The following TELO2 variants were observed in gnomAD, a reference collection of about 807,000 sequenced individuals.
TELO2 encodes the protein telomere maintenance 2.
A neutral mutation model predicts 91.0 loss-of-function variants in TELO2; 71 were observed. That is an observed-to-expected ratio of 0.78 (90% confidence interval 0.64 to 0.95). The LOEUF (loss-of-function observed/expected upper bound fraction) is 0.95. Among genes scored for constraint, TELO2 ranks in the 40% least tolerant of loss-of-function variants. The probability of loss-of-function intolerance (pLI) is 0.00; values close to 1 mark genes in which losing one functional copy is unlikely to be tolerated. For missense variants in TELO2, 1,183 were observed against 1,141.3 expected (o/e 1.04, Z -0.53); for synonymous variants, 584 against 518.9 (o/e 1.13, Z -1.71).
At position 1,507,607 on chromosome 16, in the gene TELO2, G is replaced by A; in HGVS notation, c.2298G>A (p.Val766=). The A allele has an allele frequency of 6.3e-7, 1 of 1,589,320 alleles. No homozygotes were observed. The highest frequency in any genetic ancestry group is 8.5e-7 in the Non-Finnish European group (1 of 1,175,050). Reference sequence around the variant, plus strand: ...CCCGCCTTCTTGCCGGCAGCTACGTGCGCCAGGGGCTGTTGTCGGCCGTCT... The same window carrying A: ...CCCGCCTTCTTGCCGGCAGCTACGTACGCCAGGGGCTGTTGTCGGCCGTCT... ...WALRFHIDAY[V]RQGLLSAVSS... Residue 766 remains valine (V), a synonymous_variant, in exon 20 of 21, where the codon GTG becomes GTA. Coordinates refer to ENST00000262319, the MANE Select transcript of TELO2 (RefSeq NM_016111.4).
rs901645398 is a variant in TELO2 at position 1,506,716 on chromosome 16, C to G, written c.2127-236C>G. The G allele has an allele frequency of 8.6e-6, 12 of 1,388,818 alleles. No homozygotes were observed. The Admixed American group carries it at 2.1e-4, about 25-fold the overall frequency. The allele number at this position is 1,388,818 out of a possible 1,614,324, so 86.0% of individuals were successfully genotyped here. A position where few individuals can be genotyped will look rare whatever the true frequency, so the allele number is the denominator to read the frequency against. On this transcript the variant is annotated intron_variant, in intron 17 of 20. Transcript: ENST00000262319. ...GTGTGGGGCCTGGGTTGTGCTGCAGCAGGGGTGGGGGTCTCGGCGTTGGGA... is the reference window on the plus strand; with the variant it reads ...GTGTGGGGCCTGGGTTGTGCTGCAGGAGGGGTGGGGGTCTCGGCGTTGGGA...
chr16:1,498,376 C>G (rs186315284), intron 5 of TELO2, among the ~76,000 whole-genome samples: 1 of 152,276 alleles, frequency 6.6e-6, no homozygotes, highest in East Asian at 1.9e-4. Flanking sequence ...GTATTCTTTT[C>G]TCTGTGAACT....
rs1320344100 is a variant in TELO2, at chr16:1,510,157, C to T, written c.*221C>T. 2 of 551,834 alleles carry T rather than the reference C, an allele frequency of 3.6e-6. No individual in the cohort carries two copies. The highest frequency in any genetic ancestry group is 3.1e-5 in the East Asian group (1 of 31,836). 34.2% of individuals were successfully genotyped at this position (551,834 alleles called of 1,614,324 possible). A position where few individuals can be genotyped will look rare whatever the true frequency, so the allele number is the denominator to read the frequency against. On this transcript the variant is annotated 3_prime_UTR_variant, in exon 21 of 21. Coordinates refer to ENST00000262319, the MANE Select transcript of TELO2 (RefSeq NM_016111.4). Reference sequence around the variant, plus strand: ...GGCACTGCCCGCCGGGACATGGCAGCCTGGACGTGGGGCTGGGGCTGTGGG... The same window carrying T: ...GGCACTGCCCGCCGGGACATGGCAGTCTGGACGTGGGGCTGGGGCTGTGGG...
At position 1,502,379 on chromosome 16, in the gene TELO2, A is replaced by G. The variant is rs773767132; in HGVS notation, c.1628A>G (p.Tyr543Cys). 7.5e-6 allele frequency: 12 copies of G among 1,603,312 alleles called. No homozygotes were observed. The highest frequency in any genetic ancestry group is 1.3e-5 in the African/African-American group (1 of 74,828). ...AALRALEGLV[Y>C]RSPTATREVS... ...CTGCGGGCCCTTGAGGGCCTGGTCT[A>G]CAGGAGCCCCACAGCCACTCGGGAG... Residue 543 changes from tyrosine (Y) to cysteine (C), a missense_variant, in exon 13 of 21, where the codon TAC becomes TGC. Tyr to Cys is a radical substitution (Grantham distance 194, BLOSUM62 -2). Transcript: ENST00000262319.
At position 1,505,089 on chromosome 16, in the gene TELO2, T is replaced by C; in HGVS notation, c.1843-321T>C. On this transcript the variant is annotated intron_variant, in intron 15 of 20. Transcript: ENST00000262319. The surrounding 1 kb of genome is among the most constrained non-coding windows in gnomAD (Gnocchi z 4.3). ...GGCACGTGCCGCTGCAGCGTTGCTTTTGCTGTGAGGCCGACTTCCTGGGAT... is the reference window on the plus strand; with the variant it reads ...GGCACGTGCCGCTGCAGCGTTGCTTCTGCTGTGAGGCCGACTTCCTGGGAT... 1 of 299,644 alleles carries C rather than the reference T, an allele frequency of 3.3e-6. No individual in the cohort carries two copies. The highest frequency in any genetic ancestry group is 6.3e-6 in the Non-Finnish European group (1 of 159,428). 18.6% of individuals were successfully genotyped at this position (299,644 alleles called of 1,614,324 possible).
chr16:1,496,263 G>A (rs2039489567), intron 3 of TELO2, among the ~76,000 whole-genome samples: 1 of 152,204 alleles, frequency 6.6e-6, no homozygotes, highest in South Asian at 2.1e-4. Context: ...GGGCACCCTG[G>A]GGTCCTGGAG....
chr16:1,499,375 C>T (rs578067307), intron 6 of TELO2, 42 bp downstream of exon 6: 1 of 1,601,362 alleles, frequency 6.2e-7, no homozygotes, highest in African/African-American at 1.3e-5. Flanking sequence ...GCTGCCCCAT[C>T]ACAGCAAGAA....
Position 1,502,070 on chromosome 16 carries a change from A to G in TELO2, c.1496A>G (p.Asp499Gly), listed in dbSNP as rs2039708355. Residue 499 changes from aspartate (D) to glycine (G), a missense_variant, in exon 12 of 21, where the codon GAC becomes GGC. By Grantham distance (94) the Asp-to-Gly change is moderately conservative. Coordinates refer to ENST00000262319, the MANE Select transcript of TELO2 (RefSeq NM_016111.4). ...AGCGATGATGAGTTTGTCCCCTACG[A>G]CATGTCGGGGGACAGAGAGCTGAAG... is the stretch of plus-strand genomic sequence containing the variant. ...LDSDDEFVPY[D>G]MSGDRELKSS... 3 of 1,613,308 alleles carry G rather than the reference A, an allele frequency of 1.9e-6. No homozygotes were observed. The highest frequency in any genetic ancestry group is 1.1e-5 in the South Asian group (1 of 91,088).
chr16:1,494,696 C>T lies in TELO2; in HGVS notation c.335+80C>T, dbSNP rs1242553124. 2 of 1,401,630 alleles carry T rather than the reference C, an allele frequency of 1.4e-6. No homozygotes were observed. The highest frequency in any genetic ancestry group is 1.4e-5 in the African/African-American group (1 of 69,696). The allele number at this position is 1,401,630 out of a possible 1,614,324, so 86.8% of individuals were successfully genotyped here. ...TGGCTTGAAGGACTGGACCAAGAGCCTCTCTAGTCCCTGTGAGGGGCTAGA... is the reference window on the plus strand; with the variant it reads ...TGGCTTGAAGGACTGGACCAAGAGCTTCTCTAGTCCCTGTGAGGGGCTAGA... On this transcript the variant is annotated intron_variant, in intron 2 of 20. Transcript: ENST00000262319. The surrounding 1 kb of genome is among the most constrained non-coding windows in gnomAD (Gnocchi z 5.6).
intron 20 of TELO2, 40 bp downstream of exon 20, chr16:1,507,756 G>A (rs774140498): frequency 6.3e-6 from 9 of 1,429,030 alleles, no homozygotes; most frequent in Admixed American, 3.0e-5. Context: ...GATGTGTGTC[G>A]GCCCGGGGTG....
chr16:1,494,648 G>T lies in TELO2; in HGVS notation c.335+32G>T, dbSNP rs1172855356. On this transcript the variant is annotated intron_variant, in intron 2 of 20. Coordinates refer to ENST00000262319, the MANE Select transcript of TELO2 (RefSeq NM_016111.4). The surrounding 1 kb of genome is among the most constrained non-coding windows in gnomAD (Gnocchi z 5.6). ...GGGCTGGGCCCATCCTGGGGTTGCC[G>T]GTAGCCTCAGAAGTGATGAGAGTGG... is the stretch of plus-strand genomic sequence containing the variant. The T allele has an allele frequency of 1.9e-6, 3 of 1,585,290 alleles. No individual in the cohort carries two copies. The highest frequency in any genetic ancestry group is 1.3e-5 in the African/African-American group (1 of 74,566).
At chr16:1,503,836 A>T (rs1207421065) in intron 15 of TELO2, among the ~76,000 whole-genome samples, 1 of 152,132 alleles carries the variant, frequency 6.6e-6, no homozygotes, top group Non-Finnish European at 1.5e-5. Context: ...GTACACTTAA[A>T]GATGGGGAAA....
In TELO2 at chr16:1,509,946, G is replaced by A. The variant is rs1163413604; in HGVS notation, c.*10G>A. On this transcript the variant is annotated 3_prime_UTR_variant, in exon 21 of 21. Coordinates refer to ENST00000262319, the MANE Select transcript of TELO2 (RefSeq NM_016111.4). Reference sequence around the variant, plus strand: ...ACCCGCGTCTCCCTAGTCCCTGGAGGCCTCCCCAGGACCACCCTCGCCGAC... The same window carrying A: ...ACCCGCGTCTCCCTAGTCCCTGGAGACCTCCCCAGGACCACCCTCGCCGAC... The A allele has an allele frequency of 6.3e-7, 1 of 1,578,424 alleles. No homozygotes were observed. Among genetic ancestry groups the A allele is most frequent in the African/African-American group, 1.4e-5 (1 of 73,818 alleles).
At chr16:1,504,173 AC>A (rs1359806953) in intron 15 of TELO2, among the ~76,000 whole-genome samples, 1 of 149,958 alleles carries the variant, frequency 6.7e-6, no homozygotes, top group Non-Finnish European at 1.5e-5. Flanking sequence ...GGCGGCTCAC[AC>A]CTGTAATCCC....
In TELO2 at chr16:1,495,496, C is replaced by A. The variant is rs757081092; in HGVS notation, c.486C>A (p.Ala162=). 1.2e-6 allele frequency: 2 copies of A among 1,610,994 alleles called. No homozygotes were observed. Among genetic ancestry groups the A allele is most frequent in the Non-Finnish European group, 1.7e-6 (2 of 1,179,792 alleles). ...LRETLLGKVV[A]LPDHLGNRLQ... Reference sequence around the variant, plus strand: ...AGACGCTGCTGGGCAAGGTGGTGGCCCTGCCCGATCACCTGGGCAACCGCC... The same window carrying A: ...AGACGCTGCTGGGCAAGGTGGTGGCACTGCCCGATCACCTGGGCAACCGCC... The change falls in exon 3 of 21, where the codon GCC becomes GCA. Residue 162 remains alanine, a synonymous_variant. Coordinates refer to ENST00000262319, the MANE Select transcript of TELO2 (RefSeq NM_016111.4).
chr16:1,497,611 T>G lies in TELO2; in HGVS notation c.830+103T>G. 3 of 1,416,128 alleles carry G rather than the reference T, an allele frequency of 2.1e-6. No homozygotes were observed. Among genetic ancestry groups the G allele is most frequent in the Non-Finnish European group, 1.9e-6 (2 of 1,070,282 alleles). The allele number at this position is 1,416,128 out of a possible 1,614,324, so 87.7% of individuals were successfully genotyped here. A position where few individuals can be genotyped will look rare whatever the true frequency, so the allele number is the denominator to read the frequency against. On this transcript the variant is annotated intron_variant, in intron 5 of 20. Transcript: ENST00000262319. The surrounding 1 kb of genome is among the most constrained non-coding windows in gnomAD (Gnocchi z 4.0). ...CTTCTCCTGGGCGCCGTGCTGCAGCTGGCACCCCCATGTAGGTGCCACAGG... is the reference window on the plus strand; with the variant it reads ...CTTCTCCTGGGCGCCGTGCTGCAGCGGGCACCCCCATGTAGGTGCCACAGG...
chr16:1,502,074 G>C lies in TELO2; in HGVS notation c.1500G>C (p.Met500Ile), dbSNP rs1438009458. 10 of 1,613,296 alleles carry C rather than the reference G, an allele frequency of 6.2e-6. No homozygotes were observed. The highest frequency in any genetic ancestry group is 5.9e-6 in the Non-Finnish European group (7 of 1,179,986). ...DSDDEFVPYDMSGDRELKSSK... is the reference protein window; with the variant it reads ...DSDDEFVPYDISGDRELKSSK... ...ATGATGAGTTTGTCCCCTACGACAT[G>C]TCGGGGGACAGAGAGCTGAAGAGCA... The change falls in exon 12 of 21, where the codon ATG becomes ATC. Residue 500 changes from methionine (M) to isoleucine (I), a missense_variant. By Grantham distance (10) the Met-to-Ile change is conservative (BLOSUM62 1). Transcript: ENST00000262319.
At chr16:1,496,348 G>A (rs1469464748) in intron 3 of TELO2, among the ~76,000 whole-genome samples, 3 of 152,184 alleles carry the variant, frequency 2.0e-5, no homozygotes, top group Non-Finnish European at 4.4e-5. Context: ...TGTGGCCCAA[G>A]CCCCCTCGCC....
At chr16:1,509,719 T>C in intron 20 of TELO2, 111 bp from the exon 21 acceptor site, 1 of 994,314 alleles carries the variant, frequency 1.0e-6, no homozygotes, top group Middle Eastern at 2.3e-4. Context: ...GAGCCCCCTT[T>C]CTTCCATGGA....
Sources: gnomAD v4.1 joint callset for allele counts (sites outside exome capture counted in the v4.1 genomes callset) on GRCh38, gnomAD v4.1.1 for gene constraint, Gnocchi (gnomAD v3.1) non-coding constraint, MANE v1.5 for transcripts, NCBI Gene and HGNC (gene_info 2026-07-23, HGNC 2026-07-21) for gene names.